Variants in ABHD17A observed in about 807,000 individuals in gnomAD.
ABHD17A encodes the protein alpha/beta hydrolase domain-containing protein 17A.
In ABHD17A, 10 loss-of-function variants were observed where a neutral mutation model predicts 26.8. The observed-to-expected ratio is 0.37, with a 90% CI of 0.23 to 0.63. The LOEUF (loss-of-function observed/expected upper bound fraction) is 0.63. Ranked by LOEUF, ABHD17A falls within the 30% of genes least tolerant of loss-of-function variation. ABHD17A has a pLI of 0.61. For missense variants in ABHD17A, 292 were observed against 457.3 expected (o/e 0.64, Z 3.30); for synonymous variants, 167 against 210.9 (o/e 0.79, Z 1.80).
Position 1,880,078 on chromosome 19 carries a change from G to A in ABHD17A, c.370C>T (p.Leu124=). ...ATGTAGAAGCTGCTCATCTGGCCCA[G>A]GTCCACGGCATTGCCGTGCGAGAAG... ...VLFSHGNAVD[L]GQMSSFYIGL... is the part of the protein sequence containing the mutation. Residue 124 remains leucine (L), a synonymous_variant, in exon 3 of 5, where the codon CTG becomes TTG. Coordinates refer to ENST00000292577, the MANE Select transcript of ABHD17A (RefSeq NM_001130111.2). This position sits in a 1 kb window ranked among gnomAD's most constrained non-coding sequence, Gnocchi z 4.1. 6.2e-7 allele frequency: 1 copy of A among 1,613,204 alleles called. No homozygotes were observed. Among genetic ancestry groups the A allele is most frequent in the Non-Finnish European group, 8.5e-7 (1 of 1,179,982 alleles).
At position 1,877,395 on chromosome 19, in the gene ABHD17A, G is replaced by C; in HGVS notation, c.738C>G (p.Pro246=). 6.4e-7 allele frequency: 1 copy of C among 1,567,082 alleles called. No individual in the cohort carries two copies. The change falls in exon 5 of 5, where the codon CCC becomes CCG. Residue 246 remains proline, a synonymous_variant. Transcript: ENST00000292577. The part of the protein sequence containing the change: ...NIEKVSKITS[P]VLIIHGTEDE... ...CCTCCGTGCCGTGGATGATGAGCAC[G>C]GGAGACGTGATCTTGGACACCTTCT... is the stretch of plus-strand genomic sequence containing the variant.
chr19:1,877,147 G>A lies in ABHD17A; in HGVS notation c.*53C>T. ...AGCCCCTGGGTGGGGGCCGGCGCGGGGTGAGGTCCGGGGGCCGCCTTATTG... is the reference window on the plus strand; with the variant it reads ...AGCCCCTGGGTGGGGGCCGGCGCGGAGTGAGGTCCGGGGGCCGCCTTATTG... On this transcript the variant is annotated 3_prime_UTR_variant, in exon 5 of 5. Transcript: ENST00000292577. 2 of 1,451,212 alleles carry A rather than the reference G, an allele frequency of 1.4e-6. No homozygotes were observed. Among genetic ancestry groups the A allele is most frequent in the African/African-American group, 1.4e-5 (1 of 71,838 alleles). 89.9% of individuals were successfully genotyped at this position (1,451,212 alleles called of 1,614,324 possible).
chr19:1,880,050 C>T lies in ABHD17A; in HGVS notation c.398G>A (p.Gly133Asp). 2 of 1,613,154 alleles carry T rather than the reference C, an allele frequency of 1.2e-6. No homozygotes were observed. The highest frequency in any genetic ancestry group is 1.7e-6 in the Non-Finnish European group (2 of 1,179,998). Residue 133 changes from glycine to aspartate, a missense_variant, in exon 3 of 5, where the codon GGC becomes GAC. Coordinates refer to ENST00000292577, the MANE Select transcript of ABHD17A (RefSeq NM_001130111.2). The surrounding 1 kb of genome is among the most constrained non-coding windows in gnomAD (Gnocchi z 4.1). ...DLGQMSSFYI[G>D]LGSRLHCNIF... ...GTTGCAGTGGAGGCGGGAGCCCAGGCCAATGTAGAAGCTGCTCATCTGGCC... is the reference window on the plus strand; with the variant it reads ...GTTGCAGTGGAGGCGGGAGCCCAGGTCAATGTAGAAGCTGCTCATCTGGCC...
rs928673298 is a variant in ABHD17A, at chr19:1,880,093, C to T, written c.355G>A (p.Gly119Ser). The change falls in exon 3 of 5, where the codon GGC (glycine) becomes AGC (serine). Residue 119 changes from glycine (G) to serine (S), a missense_variant. Gly to Ser is a moderately conservative substitution (Grantham distance 56). Around this residue, in one of 4 missense-constraint regions of ABHD17A, gnomAD observed 171 missense variants for 216.1 expected, o/e 0.79. Transcript: ENST00000292577. The surrounding 1 kb of genome is among the most constrained non-coding windows in gnomAD (Gnocchi z 4.1). ...ATCTGGCCCAGGTCCACGGCATTGCCGTGCGAGAAGAGGACCGTGTACCTG... is the reference window on the plus strand; with the variant it reads ...ATCTGGCCCAGGTCCACGGCATTGCTGTGCGAGAAGAGGACCGTGTACCTG... ...GARYTVLFSH[G>S]NAVDLGQMSS... 3.7e-6 allele frequency: 6 copies of T among 1,613,036 alleles called. No individual in the cohort carries two copies. In the African/African-American group the frequency reaches 4.0e-5, roughly 11 times the overall value.
intron 1 of ABHD17A, among the ~76,000 whole-genome samples, chr19:1,884,160 T>TC (rs1331858448): frequency 6.6e-6 from 1 of 151,644 alleles, no homozygotes; most frequent in Non-Finnish European, 1.5e-5. Context: ...TGGCCAGATC[T>TC]CCCCCCACCT....
In ABHD17A at chr19:1,879,759, A is replaced by C; in HGVS notation, c.527+162T>G. ...TCAGCCATGTGGAGGCGGCACCTGC[A>C]CACCCAAGCTCGCCTGTCCGGCTCT... is the stretch of plus-strand genomic sequence containing the variant. On this transcript the variant is annotated intron_variant, in intron 3 of 4. Coordinates refer to ENST00000292577, the MANE Select transcript of ABHD17A (RefSeq NM_001130111.2). The surrounding 1 kb of genome is among the most constrained non-coding windows in gnomAD (Gnocchi z 7.6). 1.5e-6 allele frequency: 1 copy of C among 682,158 alleles called. No individual in the cohort carries two copies. The highest frequency in any genetic ancestry group is 2.4e-6 in the Non-Finnish European group (1 of 410,380). The allele number at this position is 682,158 out of a possible 1,614,324, so 42.3% of individuals were successfully genotyped here. A position where few individuals can be genotyped will look rare whatever the true frequency, so the allele number is the denominator to read the frequency against.
chr19:1,885,452 G>C lies in ABHD17A; in HGVS notation c.-339C>G, dbSNP rs1158040198. The C allele has an allele frequency of 6.6e-6, 1 of 152,376 alleles. No homozygotes were observed. Among genetic ancestry groups the C allele is most frequent in the Non-Finnish European group, 1.5e-5 (1 of 68,100 alleles). 9.4% of individuals were successfully genotyped at this position (152,376 alleles called of 1,614,324 possible). On this transcript the variant is annotated 5_prime_UTR_variant, in exon 1 of 5. Coordinates refer to ENST00000292577, the MANE Select transcript of ABHD17A (RefSeq NM_001130111.2). ...CCTCCGCACCCCTGCCCGGCCTCCT[G>C]CACCGCCACCGCCGCAGCTCCCCCC... is the stretch of plus-strand genomic sequence containing the variant.
chr19:1,881,077 G>C (rs1351454224), intron 2 of ABHD17A, 158 bp downstream of exon 2: 6 of 1,590,064 alleles, frequency 3.8e-6, no homozygotes, highest in Non-Finnish European at 5.1e-6. Flanking sequence ...AGAGGGACGA[G>C]GCCGGCCTGA....
rs2012499529 is a variant in ABHD17A at position 1,880,745 on chromosome 19, C to T, written c.332+490G>A. 3 of 1,177,086 alleles carry T rather than the reference C, an allele frequency of 2.5e-6. No individual in the cohort carries two copies. Among genetic ancestry groups the T allele is most frequent in the Non-Finnish European group, 2.4e-6 (2 of 847,840 alleles). The allele number at this position is 1,177,086 out of a possible 1,614,324, so 72.9% of individuals were successfully genotyped here. Reference sequence around the variant, plus strand: ...CTGTGCTGCAAGGCCTGTCTGCTTCCCAGCACGGGAGCTGCCCCAGGTGGT... The same window carrying T: ...CTGTGCTGCAAGGCCTGTCTGCTTCTCAGCACGGGAGCTGCCCCAGGTGGT... On this transcript the variant is annotated intron_variant, in intron 2 of 4. Transcript: ENST00000292577. The surrounding 1 kb of genome is among the most constrained non-coding windows in gnomAD (Gnocchi z 4.1).
Position 1,881,435 on chromosome 19 carries a change from C to T in ABHD17A, c.132G>A (p.Gly44=), listed in dbSNP as rs770766843. ...AGGGGGCGGCCCCGGCCCCACCAGG[C>T]CCCGGCTCGGGCTCAGGCACCAGGG... is the stretch of plus-strand genomic sequence containing the variant. ...TYSLVPEPEP[G]PGGAGAAPLG... is the part of the protein sequence containing the mutation. The change falls in exon 2 of 5, where the codon GGG becomes GGA. Residue 44 remains glycine, a synonymous_variant. Transcript: ENST00000292577. The T allele has an allele frequency of 1.2e-6, 2 of 1,602,240 alleles. No individual in the cohort carries two copies. Among genetic ancestry groups the T allele is most frequent in the Non-Finnish European group, 1.7e-6 (2 of 1,178,106 alleles).
Position 1,880,479 on chromosome 19 carries a change from C to A in ABHD17A, c.333-364G>T, listed in dbSNP as rs572911370. ...TGCTCAGATACTGCAGGCTTCACTG[C>A]CCTTCCTCCTGGAAGAACCTGGACC... On this transcript the variant is annotated intron_variant, in intron 2 of 4. Transcript: ENST00000292577. This position sits in a 1 kb window ranked among gnomAD's most constrained non-coding sequence, Gnocchi z 4.1. Among the ~76,000 whole-genome samples, 5 of 152,340 alleles carry A rather than the reference C, an allele frequency of 3.3e-5. No individual in the cohort carries two copies. Among genetic ancestry groups the A allele is most frequent in the African/African-American group, 1.2e-4 (5 of 41,574 alleles).
At position 1,884,457 on chromosome 19, in the gene ABHD17A, C is replaced by T. The variant is rs574290188; in HGVS notation, c.-239+895G>A. Among the ~76,000 whole-genome samples the T allele has an allele frequency of 7.9e-5, 12 of 152,288 alleles. No individual in the cohort carries two copies. The South Asian group carries it at 2.1e-3, about 26-fold the overall frequency. On this transcript the variant is annotated intron_variant, in intron 1 of 4. Transcript: ENST00000292577. ...CCCTGAATCCCACCAATTCCGTTCC[C>T]ACGCACTTAACTGGGCAACCCTCTG... is the stretch of plus-strand genomic sequence containing the variant.
At chr19:1,882,255 G>A (rs1034586748) in intron 1 of ABHD17A, 2 of 152,448 alleles carry the variant, frequency 1.3e-5, no homozygotes, top group African/African-American at 4.8e-5. Flanking sequence ...AGCTCGAACT[G>A]AAGGGACCCA....
chr19:1,883,204 G>C (rs1379267221), intron 1 of ABHD17A: 1 of 152,228 alleles, frequency 6.6e-6, no homozygotes, highest in Non-Finnish European at 1.5e-5. Flanking sequence ...CCGGGAGGTG[G>C]ACTGTCAGGC....
chr19:1,881,115 T>C, intron 2 of ABHD17A, 120 bp downstream of exon 2: 1 of 1,569,434 alleles, frequency 6.4e-7, no homozygotes, highest in Non-Finnish European at 8.6e-7. Context: ...GCTGGCTGGA[T>C]GGCCCTTCAC....
In ABHD17A at chr19:1,877,292, C is replaced by T. The variant is rs914227274; in HGVS notation, c.841G>A (p.Gly281Ser). 3.3e-6 allele frequency: 5 copies of T among 1,533,902 alleles called. No individual in the cohort carries two copies. Among genetic ancestry groups the T allele is most frequent in the Non-Finnish European group, 4.4e-6 (5 of 1,145,104 alleles). ...AGCTCGATGTCGTTGTGCCCGGCGCCCTCCACCCACAGCGGCTCCACCGCC... is the reference window on the plus strand; with the variant it reads ...AGCTCGATGTCGTTGTGCCCGGCGCTCTCCACCCACAGCGGCTCCACCGCC... ...PKAVEPLWVE[G>S]AGHNDIELYS... The change falls in exon 5 of 5, where the codon GGC (glycine) becomes AGC (serine). Residue 281 changes from glycine to serine, a missense_variant. By Grantham distance (56) the Gly-to-Ser change is moderately conservative (BLOSUM62 0). Transcript: ENST00000292577.
chr19:1,884,921 T>A (rs1910072779), intron 1 of ABHD17A, among the ~76,000 whole-genome samples: 1 of 150,114 alleles, frequency 6.7e-6, no homozygotes, highest in Non-Finnish European at 1.5e-5. Flanking sequence ...CGCCCAGGAG[T>A]CAGGGTGGCA....
In ABHD17A at chr19:1,877,691, G is replaced by A. The variant is rs576028173; in HGVS notation, c.528-4C>T. 3.1e-6 allele frequency: 5 copies of A among 1,587,560 alleles called. No homozygotes were observed. In the South Asian group the frequency reaches 5.6e-5, roughly 18 times the overall value. On this transcript the variant is annotated splice_region_variant and splice_polypyrimidine_tract_variant and intron_variant, in intron 3 of 4. Coordinates refer to ENST00000292577, the MANE Select transcript of ABHD17A (RefSeq NM_001130111.2). The stretch of plus-strand genomic sequence containing the variant: ...GCTGTCCGGGCTGATGCCGTACCTG[G>A]CGGCGCCGGAGCAGGGTCAGCCGCG...
rs1223727163 is a variant in ABHD17A at position 1,881,816 on chromosome 19, C to T, written c.-238-12G>A. The stretch of plus-strand genomic sequence containing the variant: ...TGCCGTGGGAAGCCCTGCGGGGGAA[C>T]AGTGACATGTGGGGTCCTTTGGGGG... On this transcript the variant is annotated splice_polypyrimidine_tract_variant and intron_variant, in intron 1 of 4. Transcript: ENST00000292577. 3 of 492,506 alleles carry T rather than the reference C, an allele frequency of 6.1e-6. No individual in the cohort carries two copies. Among genetic ancestry groups the T allele is most frequent in the East Asian group, 8.3e-5 (2 of 24,010 alleles). The allele number at this position is 492,506 out of a possible 1,614,324, so 30.5% of individuals were successfully genotyped here.
Sources: allele counts gnomAD v4.1 joint callset (sites outside exome capture counted in the v4.1 genomes callset), GRCh38; gene constraint gnomAD v4.1.1; regional missense constraint gnomAD v4.1.1; non-coding constraint Gnocchi (gnomAD v3.1); transcripts MANE v1.5; gene names NCBI Gene and HGNC (gene_info 2026-07-23, HGNC 2026-07-21).